Variants in NEK4 observed in about 807,000 individuals in gnomAD.
NEK4 encodes the protein NIMA related kinase 4, also known as serine/threonine-protein kinase Nek4.
In NEK4, 86 loss-of-function variants were observed where a neutral mutation model predicts 98.4. That is an observed-to-expected ratio of 0.87 (90% confidence interval 0.73 to 1.05). The LOEUF (loss-of-function observed/expected upper bound fraction) is 1.05. NEK4 is among the 50% of genes least tolerant of loss of function. NEK4 has a pLI of 0.00. For missense variants in NEK4, 898 were observed against 950.3 expected (o/e 0.94, Z 0.72); for synonymous variants, 328 against 342.2 (o/e 0.96, Z 0.46).
In NEK4 at chr3:52,753,897, C is replaced by T. The variant is rs546007670; in HGVS notation, c.964-1561G>A. 47 of 347,856 alleles carry T rather than the reference C, an allele frequency of 1.4e-4. 1 individual carries two copies. The highest frequency in any genetic ancestry group is 6.5e-4 in the African/African-American group (30 of 46,260). 21.5% of individuals were successfully genotyped at this position (347,856 alleles called of 1,614,324 possible). ...CAAGATGGCATATTTAGGCCAGGCG[C>T]GGTGGCTCACACCTATAATCCCAGC... is the stretch of plus-strand genomic sequence containing the variant. On this transcript the variant is annotated intron_variant, in intron 6 of 15. Coordinates refer to ENST00000233027, the MANE Select transcript of NEK4 (RefSeq NM_003157.6).
chr3:52,757,018 T>C (rs1321201638), intron 6 of NEK4, among the ~76,000 whole-genome samples: 5 of 152,054 alleles, frequency 3.3e-5, no homozygotes, highest in Non-Finnish European at 7.4e-5. Context: ...AACTAATCAC[T>C]AAGGAAATGC....
chr3:52,770,699 G>T lies in NEK4; in HGVS notation c.48C>A (p.Ser16Arg), dbSNP rs1301909055. ...GCTTCACAAGCGTCACCTCTCCATA[G>T]CTCCCCTTGCCCACGACCCGCAGGT... ...YCYLRVVGKG[S>R]YGEVTLVKHR... The change falls in exon 1 of 16, where the codon AGC becomes AGA. Residue 16 changes from serine (S) to arginine (R), a missense_variant. Physicochemically the swap from Ser to Arg is moderately radical, Grantham distance 110 (BLOSUM62 -1). Coordinates refer to ENST00000233027, the MANE Select transcript of NEK4 (RefSeq NM_003157.6). 4.4e-6 allele frequency: 7 copies of T among 1,577,418 alleles called. No homozygotes were observed. The highest frequency in any genetic ancestry group is 6.0e-6 in the Non-Finnish European group (7 of 1,162,714).
intron 6 of NEK4, chr3:52,753,940 C>T (rs1465941832): frequency 2.4e-5 from 7 of 295,986 alleles, no homozygotes; most frequent in African/African-American, 4.5e-5. Flanking sequence ...GAGTCCGAGG[C>T]GGTGGAGCAC....
In NEK4 at chr3:52,741,407, T is replaced by A; in HGVS notation, c.2093+4A>T. ...TAAAGGGAGACAGAAAAACAAGAACTTACCCTTCCCCGTAATCCCCATCTG... is the reference window on the plus strand; with the variant it reads ...TAAAGGGAGACAGAAAAACAAGAACATACCCTTCCCCGTAATCCCCATCTG... On this transcript the variant is annotated splice_donor_region_variant and intron_variant, in intron 13 of 15. Coordinates refer to ENST00000233027, the MANE Select transcript of NEK4 (RefSeq NM_003157.6). 1 of 1,568,186 alleles carries A rather than the reference T, an allele frequency of 6.4e-7. No homozygotes were observed. The highest frequency in any genetic ancestry group is 1.7e-5 in the Admixed American group (1 of 59,856).
chr3:52,766,502 C>A, intron 2 of NEK4, 127 bp from the exon 3 acceptor site: 3 of 651,948 alleles, frequency 4.6e-6, no homozygotes, highest in Non-Finnish European at 7.9e-6. Flanking sequence ...ACCAACCATA[C>A]AATTCCTTAT....
rs1286914120 is a variant in NEK4, at chr3:52,709,204, TTG to T, written c.*2571_*2572del. 2.0e-5 allele frequency: 3 copies of T among 148,706 alleles called. No individual in the cohort carries two copies. The East Asian group carries it at 6.0e-4, about 30-fold the overall frequency. 9.2% of individuals were successfully genotyped at this position (148,706 alleles called of 1,614,324 possible). ...CTCAAAAAAAAAAAAAAAAGAATGATTGACATTTTAGAACCAATGCCAAAAGA... is the reference window on the plus strand; with the variant it reads ...CTCAAAAAAAAAAAAAAAAGAATGATACATTTTAGAACCAATGCCAAAAGA... On this transcript the variant is annotated 3_prime_UTR_variant, in exon 16 of 16. Transcript: ENST00000233027.
At chr3:52,732,116 T>G (rs141400521) in intron 15 of NEK4, among the ~76,000 whole-genome samples, 1 of 152,366 alleles carries the variant, frequency 6.6e-6, no homozygotes, top group East Asian at 1.9e-4. Context: ...AGTATGTCTT[T>G]ATTAGCAGTG....
chr3:52,752,346 A>C lies in NEK4; in HGVS notation c.964-10T>G. 6.2e-7 allele frequency: 1 copy of C among 1,603,982 alleles called. No individual in the cohort carries two copies. Among genetic ancestry groups the C allele is most frequent in the South Asian group, 1.1e-5 (1 of 89,828 alleles). On this transcript the variant is annotated splice_polypyrimidine_tract_variant and intron_variant, in intron 6 of 15. Transcript: ENST00000233027. Reference sequence around the variant, plus strand: ...AACATTTGCCTTCACCCTGAATGAAAAGATGTTTGGAAATTATTATAGCAC... The same window carrying C: ...AACATTTGCCTTCACCCTGAATGAACAGATGTTTGGAAATTATTATAGCAC...
intron 15 of NEK4, among the ~76,000 whole-genome samples, chr3:52,736,887 A>G (rs2097376853): frequency 6.6e-6 from 1 of 152,204 alleles, no homozygotes; most frequent in Non-Finnish European, 1.5e-5. Context: ...TATAATTTCT[A>G]AATTTTTGAT....
At chr3:52,722,761 TG>T (rs2097361190) in intron 15 of NEK4, among the ~76,000 whole-genome samples, 1 of 151,734 alleles carries the variant, frequency 6.6e-6, no homozygotes, top group South Asian at 2.1e-4. Context: ...AAAAAATAGC[TG>T]GGTGTGGTGG....
At chr3:52,736,363 G>A (rs1463229021) in intron 15 of NEK4, among the ~76,000 whole-genome samples, 2 of 152,170 alleles carry the variant, frequency 1.3e-5, no homozygotes, top group Admixed American at 1.3e-4. Context: ...GAGGTGGGCA[G>A]ATCATGAGGT....
intron 6 of NEK4, among the ~76,000 whole-genome samples, chr3:52,752,933 T>TATATATATATACACACACAC (rs148965312): frequency 0.024 from 1,726 of 72,666 alleles, 24 homozygotes; most frequent in Middle Eastern, 0.052. Context: ...TATATATATA[T>TATATATATATACACACACAC]ACACACACAC....
chr3:52,759,667 C>T (rs896775046), intron 6 of NEK4, among the ~76,000 whole-genome samples: 1 of 151,980 alleles, frequency 6.6e-6, no homozygotes, highest in African/African-American at 2.4e-5. Flanking sequence ...GAAAACAGTG[C>T]AACAGTTCCT....
At chr3:52,754,312 G>C in intron 6 of NEK4, 1 of 359,364 alleles carries the variant, frequency 2.8e-6, no homozygotes. Context: ...AAGAGCATTT[G>C]GAAAATGGAG....
chr3:52,770,523 G>A (rs777273253), intron 1 of NEK4, 131 bp downstream of exon 1: 8 of 687,188 alleles, frequency 1.2e-5, no homozygotes, highest in Non-Finnish European at 2.1e-5. Flanking sequence ...GTCTTGGTCT[G>A]GGACCATTTC....
intron 2 of NEK4, among the ~76,000 whole-genome samples, chr3:52,767,025 G>A (rs929160132): frequency 6.6e-6 from 1 of 151,880 alleles, no homozygotes; most frequent in Non-Finnish European, 1.5e-5. Context: ...CAGGCCAGGC[G>A]CAGTGTTCAG....
intron 15 of NEK4, among the ~76,000 whole-genome samples, chr3:52,728,015 A>G (rs922114032): frequency 6.6e-6 from 1 of 152,176 alleles, no homozygotes; most frequent in Non-Finnish European, 1.5e-5. Context: ...AGAGGATTGC[A>G]TGAGGTCAGG....
chr3:52,760,090 T>A (rs949675238), intron 6 of NEK4, among the ~76,000 whole-genome samples: 1 of 152,242 alleles, frequency 6.6e-6, no homozygotes, highest in African/African-American at 2.4e-5. Flanking sequence ...GACTGCTTAA[T>A]GAGGAAGAGA....
rs769162317 is a variant in NEK4, at chr3:52,760,908, C to T, written c.850G>A (p.Gly284Ser). Reference protein sequence around the residue: ...IKTSKNNIKNGDSQSKPFATV... With the variant: ...IKTSKNNIKNSDSQSKPFATV... ...GCAAAAGGCTTGGATTGAGAGTCAC[C>T]ATTTTTAATGTTATTTTTGGAGGTT... Residue 284 changes from glycine (G) to serine (S), a missense_variant, in exon 6 of 16, where the codon GGT becomes AGT. By Grantham distance (56) the Gly-to-Ser change is moderately conservative. Coordinates refer to ENST00000233027, the MANE Select transcript of NEK4 (RefSeq NM_003157.6). 6 of 1,588,594 alleles carry T rather than the reference C, an allele frequency of 3.8e-6. No homozygotes were observed. In the East Asian group the frequency reaches 1.1e-4, roughly 30 times the overall value.
Sources: gnomAD v4.1 joint callset for allele counts (sites outside exome capture counted in the v4.1 genomes callset) on GRCh38, gnomAD v4.1.1 for gene constraint, MANE v1.5 for transcripts, NCBI Gene and HGNC (gene_info 2026-07-23, HGNC 2026-07-21) for gene names.